The following MAST2 variants were observed in gnomAD, a reference collection of about 807,000 sequenced individuals.
The protein encoded by MAST2 is microtubule-associated serine/threonine-protein kinase 2.
Under a neutral mutation model 147.4 loss-of-function variants are expected in MAST2, and 70 were observed. The ratio of observed to expected loss-of-function variants is 0.47; its 90% confidence interval spans 0.39 to 0.58. MAST2 has a LOEUF of 0.58. Among genes scored for constraint, MAST2 ranks in the 20% least tolerant of loss-of-function variants. The pLI is 0.00. For missense variants in MAST2, 2,080 were observed against 2,302.3 expected (o/e 0.90, Z 1.98); for synonymous variants, 869 against 896.8 (o/e 0.97, Z 0.55).
chr1:45,995,054 A>G (rs764487870), intron 5 of MAST2, among the ~76,000 whole-genome samples: 2 of 151,858 alleles, frequency 1.3e-5, no homozygotes, highest in Non-Finnish European at 2.9e-5. Flanking sequence ...GTTAACCAGG[A>G]TGGTCTCGAT....
In MAST2 at chr1:46,034,385, T is replaced by A; in HGVS notation, c.3868+119T>A. 2.9e-6 allele frequency: 4 copies of A among 1,356,050 alleles called. No homozygotes were observed. In the South Asian group the frequency reaches 5.9e-5, roughly 20 times the overall value. The allele number at this position is 1,356,050 out of a possible 1,614,324, so 84.0% of individuals were successfully genotyped here. The stretch of plus-strand genomic sequence containing the variant: ...CTCATTTAGCCCACCCCCTGAAAGA[T>A]CCTGTAGTCTTGGGGAGGAATTAAT... On this transcript the variant is annotated intron_variant, in intron 28 of 28. Transcript: ENST00000361297.
At chr1:45,844,646 G>C (rs576942064) in intron 3 of MAST2, among the ~76,000 whole-genome samples, 1 of 151,964 alleles carries the variant, frequency 6.6e-6, no homozygotes, top group East Asian at 1.9e-4. Context: ...GTTTGGTCTC[G>C]AACCCCTGGG....
At chr1:45,829,322 A>G (rs1262687381) in intron 2 of MAST2, 117 bp from the exon 3 acceptor site, 3 of 872,010 alleles carry the variant, frequency 3.4e-6, no homozygotes, top group Non-Finnish European at 4.9e-6. Flanking sequence ...AATGGATGTG[A>G]ACAATTTTAC....
Position 46,031,202 on chromosome 1 carries a change from G to A in MAST2, c.2904G>A (p.Gly968=), listed in dbSNP as rs1438613831. ...IWVLTPPSGE[G]VSGPVTEHSG... ...TCCTGACACCCCCATCTGGAGAGGG[G>A]GTATCTGGGCCTGTCACTGAACACT... The change falls in exon 23 of 29, where the codon GGG becomes GGA. Residue 968 remains glycine (G), a synonymous_variant. Coordinates refer to ENST00000361297, the MANE Select transcript of MAST2 (RefSeq NM_015112.3). This position sits in a 1 kb window ranked among gnomAD's most constrained non-coding sequence, Gnocchi z 4.1. The A allele has an allele frequency of 6.4e-7, 1 of 1,565,758 alleles. No homozygotes were observed. The highest frequency in any genetic ancestry group is 2.3e-5 in the East Asian group (1 of 44,212).
At chr1:45,811,883 C>T (rs1054708474) in intron 1 of MAST2, among the ~76,000 whole-genome samples, 1 of 152,158 alleles carries the variant, frequency 6.6e-6, no homozygotes, top group Non-Finnish European at 1.5e-5. Flanking sequence ...ATCCGCCTGT[C>T]TCGGCCTCCC....
chr1:45,926,064 CT>C (rs2148674110), intron 4 of MAST2, among the ~76,000 whole-genome samples: 1 of 152,230 alleles, frequency 6.6e-6, no homozygotes, highest in African/African-American at 2.4e-5. Flanking sequence ...CTTGTCTTGT[CT>C]TTTTTTAAAC....
At chr1:45,815,954 C>T (rs1644437923) in intron 1 of MAST2, among the ~76,000 whole-genome samples, 1 of 152,218 alleles carries the variant, frequency 6.6e-6, no homozygotes, top group Non-Finnish European at 1.5e-5. Flanking sequence ...TGCCACAGGA[C>T]TCAAACCCCA....
intron 4 of MAST2, among the ~76,000 whole-genome samples, chr1:45,900,823 G>A (rs959936573): frequency 6.6e-6 from 1 of 151,852 alleles, no homozygotes; most frequent in Non-Finnish European, 1.5e-5. Flanking sequence ...GTGTCTGTTC[G>A]TTTCTATTGC....
At position 45,945,827 on chromosome 1, in the gene MAST2, G is replaced by A. The variant is rs563971739; in HGVS notation, c.501-13559G>A. On this transcript the variant is annotated intron_variant, in intron 4 of 28. Coordinates refer to ENST00000361297, the MANE Select transcript of MAST2 (RefSeq NM_015112.3). The stretch of plus-strand genomic sequence containing the variant: ...TTTGGAGCTTCCAGAGAAATCCAGA[G>A]GCCATGGGAACTAGTAAAGACAAAC... Among the ~76,000 whole-genome samples, 15 of 152,200 alleles carry A rather than the reference G, an allele frequency of 9.9e-5. No individual in the cohort carries two copies. The East Asian group carries it at 2.9e-3, about 29-fold the overall frequency.
chr1:45,949,387 C>T (rs768294640), intron 4 of MAST2, among the ~76,000 whole-genome samples: 6 of 151,904 alleles, frequency 3.9e-5, no homozygotes, highest in Non-Finnish European at 7.4e-5. Flanking sequence ...AAAAACAACC[C>T]CATTAAAAAG....
At chr1:45,852,927 T>A (rs1032317892) in intron 3 of MAST2, among the ~76,000 whole-genome samples, 29 of 152,204 alleles carry the variant, frequency 1.9e-4, no homozygotes, top group African/African-American at 2.2e-4. Context: ...ACTTTTTTTT[T>A]AAATTAAAAA....
chr1:46,018,381 TTCCC>T (rs1470869456), intron 10 of MAST2, among the ~76,000 whole-genome samples: 1 of 152,160 alleles, frequency 6.6e-6, no homozygotes, highest in East Asian at 1.9e-4. Flanking sequence ...CCACTTTGAC[TTCCC>T]TATATTGGTT....
intron 5 of MAST2, among the ~76,000 whole-genome samples, chr1:45,963,621 G>C (rs1351294824): frequency 6.6e-6 from 1 of 152,194 alleles, no homozygotes; most frequent in Non-Finnish European, 1.5e-5. Flanking sequence ...TTTGTTTCCT[G>C]AGACTGCTGA....
intron 3 of MAST2, among the ~76,000 whole-genome samples, chr1:45,858,562 T>A (rs1645870406): frequency 1.3e-5 from 2 of 148,828 alleles, no homozygotes; most frequent in Admixed American, 1.4e-4. Flanking sequence ...ATTCTGTAGG[T>A]TGCCTGTTCA....
intron 1 of MAST2, 78 bp downstream of exon 1, chr1:45,804,150 G>T: frequency 7.9e-7 from 1 of 1,269,032 alleles, no homozygotes; most frequent in Non-Finnish European, 1.0e-6. Flanking sequence ...GAGGACCCGG[G>T]CTGGAGCTTT....
intron 4 of MAST2, among the ~76,000 whole-genome samples, chr1:45,885,983 G>T (rs1647064243): frequency 1.3e-5 from 2 of 152,066 alleles, no homozygotes; most frequent in South Asian, 4.1e-4. Flanking sequence ...AATTGTCTAG[G>T]CTGGGTGTGG....
At chr1:45,832,967 C>T (rs1427693737) in intron 3 of MAST2, among the ~76,000 whole-genome samples, 1 of 152,156 alleles carries the variant, frequency 6.6e-6, no homozygotes, top group Admixed American at 6.5e-5. Context: ...ACCCCGCCCC[C>T]ACACTAGGCA....
At chr1:46,021,320 G>T (rs1365658672) in intron 11 of MAST2, among the ~76,000 whole-genome samples, 1 of 152,202 alleles carries the variant, frequency 6.6e-6, no homozygotes, top group Non-Finnish European at 1.5e-5. Context: ...GACCTGGGCT[G>T]AATGCTGGTT....
intron 10 of MAST2, among the ~76,000 whole-genome samples, chr1:46,017,245 C>T (rs1272937871): frequency 1.3e-5 from 2 of 152,146 alleles, no homozygotes; most frequent in Non-Finnish European, 2.9e-5. Flanking sequence ...TAGGCATTAC[C>T]ATTCAGGACA....
Sources: gnomAD v4.1 joint callset for allele counts (sites outside exome capture counted in the v4.1 genomes callset) on GRCh38, gnomAD v4.1.1 for gene constraint, Gnocchi (gnomAD v3.1) non-coding constraint, MANE v1.5 for transcripts, NCBI Gene and HGNC (gene_info 2026-07-23, HGNC 2026-07-21) for gene names.